FAM184B: variants seen among roughly 807,000 people sequenced by gnomAD.
FAM184B encodes family with sequence similarity 184 member B.
Under a neutral mutation model 135.9 loss-of-function variants are expected in FAM184B, and 111 were observed. The observed-to-expected ratio is 0.82, with a 90% CI of 0.70 to 0.96. The LOEUF (loss-of-function observed/expected upper bound fraction) is 0.96, where lower values mean the gene tolerates loss of function less well. Ranked by LOEUF, FAM184B falls within the 40% of genes least tolerant of loss-of-function variation. The pLI, the probability that FAM184B is intolerant of heterozygous loss-of-function variation, is 0.00. For synonymous variants in FAM184B, 552 were observed against 524.8 expected (o/e 1.05, Z -0.71); for missense variants, 1,375 against 1,323.9 (o/e 1.04, Z -0.60).
rs1019208117 is a variant in FAM184B, at chr4:17,658,219, A to C, written c.2037+131T>G. 1.5e-5 allele frequency: 13 copies of C among 865,560 alleles called. No individual in the cohort carries two copies. The Admixed American group carries it at 1.6e-4, about 11-fold the overall frequency. 53.6% of individuals were successfully genotyped at this position (865,560 alleles called of 1,614,324 possible). ...CCTCTTTCTTCATCTGGAAAAAGGG[A>C]ATACAATAATAACAATCTGGAAAGA... On this transcript the variant is annotated intron_variant, in intron 10 of 17. Transcript: ENST00000265018.
chr4:17,716,798 G>A (rs987716179), intron 1 of FAM184B, among the ~76,000 whole-genome samples: 2 of 151,930 alleles, frequency 1.3e-5, no homozygotes, highest in African/African-American at 4.8e-5. Flanking sequence ...CTCAATACCA[G>A]AGCTTACCCT....
chr4:17,653,084 T>C, intron 10 of FAM184B, 101 bp from the exon 11 acceptor site: 1 of 1,137,880 alleles, frequency 8.8e-7, no homozygotes, highest in Non-Finnish European at 1.3e-6. Flanking sequence ...CTCTGAACAC[T>C]CGCACTCTCC....
intron 5 of FAM184B, among the ~76,000 whole-genome samples, chr4:17,703,011 C>T (rs968378527): frequency 6.6e-6 from 1 of 152,214 alleles, no homozygotes; most frequent in African/African-American, 2.4e-5. Flanking sequence ...TGAATTGCAG[C>T]TCCACCACTT....
chr4:17,661,593 G>T (rs1367589807), intron 8 of FAM184B, among the ~76,000 whole-genome samples: 2 of 152,276 alleles, frequency 1.3e-5, no homozygotes, highest in Non-Finnish European at 2.9e-5. Flanking sequence ...TTAAAAGAGA[G>T]AAGTTTTCTT....
At chr4:17,669,239 C>T (rs917417613) in intron 7 of FAM184B, among the ~76,000 whole-genome samples, 4 of 152,076 alleles carry the variant, frequency 2.6e-5, no homozygotes, top group African/African-American at 9.7e-5. Flanking sequence ...GCTAAAAGGT[C>T]CTCCTGTGCC....
chr4:17,632,825 C>CAG, intron 17 of FAM184B, 200 bp from the exon 18 acceptor site: 1 of 463,320 alleles, frequency 2.2e-6, no homozygotes. Flanking sequence ...ATTTGGAAAA[C>CAG]AGAAGGTTCA....
chr4:17,767,881 C>T (rs1462771094), intron 1 of FAM184B, among the ~76,000 whole-genome samples: 3 of 152,184 alleles, frequency 2.0e-5, no homozygotes, highest in African/African-American at 7.2e-5. Flanking sequence ...GATTAGTGAT[C>T]CAGTGTTTAT....
In FAM184B at chr4:17,652,888, G is replaced by C; in HGVS notation, c.2133C>G (p.Ala711=). The change falls in exon 11 of 18, where the codon GCC becomes GCG. Residue 711 remains alanine, a synonymous_variant. Coordinates refer to ENST00000265018, the MANE Select transcript of FAM184B (RefSeq NM_015688.2). ...RLELQALEEK[A]RQELQEERER... ...CACGCTCCTCCTGCAGCTCTTGCCT[G>C]GCCTTTTCCTCCAAGGCCTGGAGCT... 1 of 1,551,758 alleles carries C rather than the reference G, an allele frequency of 6.4e-7. No homozygotes were observed. The highest frequency in any genetic ancestry group is 8.7e-7 in the Non-Finnish European group (1 of 1,147,010).
At chr4:17,643,833 G>C (rs1388268276) in intron 12 of FAM184B, among the ~76,000 whole-genome samples, 2 of 152,318 alleles carry the variant, frequency 1.3e-5, no homozygotes, top group African/African-American at 4.8e-5. Context: ...GGCTGGGAGT[G>C]GGGGTGGGGA....
In FAM184B at chr4:17,647,625, G is replaced by T. The variant is rs770773614; in HGVS notation, c.2346+12C>A. The T allele has an allele frequency of 6.5e-7, 1 of 1,545,804 alleles. No individual in the cohort carries two copies. Among genetic ancestry groups the T allele is most frequent in the Admixed American group, 2.0e-5 (1 of 50,924 alleles). On this transcript the variant is annotated intron_variant, in intron 12 of 17. Coordinates refer to ENST00000265018, the MANE Select transcript of FAM184B (RefSeq NM_015688.2). Reference sequence around the variant, plus strand: ...GGAGGGGTATTGCTGGTGCAAGGGCGGGGGCACTGACCTCTGTGGCGATTA... The same window carrying T: ...GGAGGGGTATTGCTGGTGCAAGGGCTGGGGCACTGACCTCTGTGGCGATTA...
chr4:17,781,513 T>TCTGG lies in FAM184B; in HGVS notation c.-218_-215dup, dbSNP rs1382686283. The stretch of plus-strand genomic sequence containing the variant: ...ACCCTTTTTCCTCTCCTGCTGGTTC[T>TCTGG]CTGGCTGGCTGGCTCCGCGGGCACC... On this transcript the variant is annotated 5_prime_UTR_variant, in exon 1 of 18. Coordinates refer to ENST00000265018, the MANE Select transcript of FAM184B (RefSeq NM_015688.2). This position sits in a 1 kb window ranked among gnomAD's most constrained non-coding sequence, Gnocchi z 6.5. 1.9e-6 allele frequency: 1 copy of TCTGG among 531,478 alleles called. No homozygotes were observed. The highest frequency in any genetic ancestry group is 2.0e-5 in the African/African-American group (1 of 49,736). 32.9% of individuals were successfully genotyped at this position (531,478 alleles called of 1,614,324 possible).
chr4:17,714,199 C>T lies in FAM184B; in HGVS notation c.142-4555G>A, dbSNP rs539226621. 8.5e-5 allele frequency among the ~76,000 whole-genome samples: 13 copies of T among 152,278 alleles called. No homozygotes were observed. The East Asian group carries it at 1.9e-3, about 23-fold the overall frequency. ...AAGGATTCACGCTTTCCTTCCACAG[C>T]GAAGAGCTGCTGCAGAACAGCCATT... On this transcript the variant is annotated intron_variant, in intron 1 of 17. Transcript: ENST00000265018.
chr4:17,683,582 T>C (rs904886024), intron 7 of FAM184B, among the ~76,000 whole-genome samples: 3 of 152,196 alleles, frequency 2.0e-5, no homozygotes, highest in African/African-American at 7.2e-5. Context: ...TATCCCTCTA[T>C]GGTGCTATCC....
intron 1 of FAM184B, among the ~76,000 whole-genome samples, chr4:17,716,281 C>G (rs960046146): frequency 6.6e-6 from 1 of 152,104 alleles, no homozygotes; most frequent in African/African-American, 2.4e-5. Context: ...CCACCCTCTC[C>G]ACTCCCTTCC....
chr4:17,734,930 T>C (rs1429605514), intron 1 of FAM184B, among the ~76,000 whole-genome samples: 1 of 152,010 alleles, frequency 6.6e-6, no homozygotes, highest in Non-Finnish European at 1.5e-5. Flanking sequence ...TGGAACCAAC[T>C]CAAATGTCCA....
Position 17,635,121 on chromosome 4 carries a change from A to T in FAM184B, c.2785-8T>A, listed in dbSNP as rs1715087288. ...GTGAAATCTTCTCTCTTCCTAGAAA[A>T]CCAATACAACTGAGTCTAAATGAGC... On this transcript the variant is annotated splice_polypyrimidine_tract_variant and splice_region_variant and intron_variant, in intron 15 of 17. Coordinates refer to ENST00000265018, the MANE Select transcript of FAM184B (RefSeq NM_015688.2). 6.5e-7 allele frequency: 1 copy of T among 1,547,498 alleles called. No homozygotes were observed. Among genetic ancestry groups the T allele is most frequent in the African/African-American group, 1.4e-5 (1 of 73,044 alleles).
chr4:17,737,605 T>TA (rs1362186002), intron 1 of FAM184B, among the ~76,000 whole-genome samples: 1 of 152,216 alleles, frequency 6.6e-6, no homozygotes, highest in Non-Finnish European at 1.5e-5. Flanking sequence ...CCTCATTCTG[T>TA]AATAAGGCAG....
At chr4:17,771,264 G>A (rs1354546631) in intron 1 of FAM184B, among the ~76,000 whole-genome samples, 2 of 152,180 alleles carry the variant, frequency 1.3e-5, no homozygotes, top group African/African-American at 2.4e-5. Context: ...CTGCTGTGTG[G>A]AGAAAGGATA....
intron 1 of FAM184B, among the ~76,000 whole-genome samples, chr4:17,719,001 G>A (rs1032004686): frequency 5.9e-5 from 9 of 152,182 alleles, no homozygotes; most frequent in Non-Finnish European, 1.3e-4. Context: ...GATGCCCACT[G>A]GATGTCTGAA....
Sources: allele counts gnomAD v4.1 joint callset (sites outside exome capture counted in the v4.1 genomes callset), GRCh38; gene constraint gnomAD v4.1.1; non-coding constraint Gnocchi (gnomAD v3.1); transcripts MANE v1.5; gene names NCBI Gene and HGNC (gene_info 2026-07-23, HGNC 2026-07-21).